The following SCAPER variants were observed in gnomAD, a reference collection of about 807,000 sequenced individuals.
SCAPER encodes the protein S phase cyclin A-associated protein in the endoplasmic reticulum.
SCAPER carries 98 observed loss-of-function variants against 182.2 expected under a neutral mutation model. That is an observed-to-expected ratio of 0.54 (90% CI 0.46 to 0.64). The LOEUF (loss-of-function observed/expected upper bound fraction) is 0.64. Ranked by LOEUF, SCAPER falls within the 30% of genes least tolerant of loss-of-function variation. The pLI, the probability that SCAPER is intolerant of heterozygous loss-of-function variation, is 0.00. For missense variants in SCAPER, 1,432 were observed against 1,690.0 expected, an observed-to-expected ratio of 0.85 and a Z score of 2.68; for synonymous variants, 605 against 564.6, an observed-to-expected ratio of 1.07 and a Z score of -1.01.
At position 76,348,690 on chromosome 15, in the gene SCAPER, A is replaced by G; in HGVS notation, c.4146T>C (p.Phe1382=). 1 of 1,559,338 alleles carries G rather than the reference A, an allele frequency of 6.4e-7. No homozygotes were observed. The highest frequency in any genetic ancestry group is 8.7e-7 in the Non-Finnish European group (1 of 1,150,060). ...GAGCTTCTTCCCAGGCCTGCTGAGG[A>G]AATCTGTTAGCCAGCTCAAGATAGT... The part of the protein sequence containing the change: ...SQDYLELANR[F]PQQAWEEARQ... Residue 1382 remains phenylalanine, a synonymous_variant, in exon 32 of 32, where the codon TTT becomes TTC. Coordinates refer to ENST00000563290, the MANE Select transcript of SCAPER (RefSeq NM_020843.4).
At chr15:76,828,633 G>C (rs926973890) in intron 5 of SCAPER, among the ~76,000 whole-genome samples, 4 of 152,122 alleles carry the variant, frequency 2.6e-5, no homozygotes, top group Non-Finnish European at 5.9e-5. Context: ...AGACTACAAT[G>C]CATGAAACAC....
intron 26 of SCAPER, among the ~76,000 whole-genome samples, chr15:76,411,700 T>C (rs1272997758): frequency 6.6e-6 from 1 of 152,078 alleles, no homozygotes; most frequent in African/African-American, 2.4e-5. Flanking sequence ...ATTTATAGAG[T>C]TCTTCAAAGT....
intron 20 of SCAPER, among the ~76,000 whole-genome samples, chr15:76,687,317 A>G (rs2058085413): frequency 6.6e-6 from 1 of 152,224 alleles, no homozygotes; most frequent in African/African-American, 2.4e-5. Context: ...ACAATATATT[A>G]AACTACAAAG....
chr15:76,469,020 G>A (rs1217555010), intron 25 of SCAPER, among the ~76,000 whole-genome samples: 3 of 152,110 alleles, frequency 2.0e-5, no homozygotes, highest in Admixed American at 6.6e-5. Context: ...ATAAATTACT[G>A]TGTTTATAAG....
intron 23 of SCAPER, among the ~76,000 whole-genome samples, chr15:76,524,689 G>GTTTTT (rs35944222): frequency 3.4e-4 from 17 of 50,118 alleles, no homozygotes; most frequent in Non-Finnish European, 3.9e-4. Flanking sequence ...TTTTTGTTCT[G>GTTTTT]TTTTTTTTTT....
intron 14 of SCAPER, among the ~76,000 whole-genome samples, chr15:76,756,243 CAAA>C (rs34158299): frequency 3.0e-5 from 2 of 66,020 alleles, no homozygotes; most frequent in African/African-American, 1.4e-4. Context: ...GACTCCGTCT[CAAA>C]AAAAAAAAAA....
At chr15:76,763,011 ATTATG>A (rs1292586038) in intron 14 of SCAPER, among the ~76,000 whole-genome samples, 1 of 152,050 alleles carries the variant, frequency 6.6e-6, no homozygotes, top group Non-Finnish European at 1.5e-5. Context: ...CCCTTACAGT[ATTATG>A]TTATTCTATA....
At chr15:76,431,347 T>C (rs2046844987) in intron 26 of SCAPER, among the ~76,000 whole-genome samples, 1 of 152,172 alleles carries the variant, frequency 6.6e-6, no homozygotes, top group South Asian at 2.1e-4. Context: ...ATACTTTGAA[T>C]TGAAAAATAT....
chr15:76,566,143 T>C (rs2047018618), intron 23 of SCAPER, among the ~76,000 whole-genome samples: 1 of 152,136 alleles, frequency 6.6e-6, no homozygotes, highest in African/African-American at 2.4e-5. Context: ...TTTATCTCTC[T>C]GAGCCTAGGC....
intron 29 of SCAPER, among the ~76,000 whole-genome samples, chr15:76,356,721 T>G (rs960620023): frequency 6.6e-6 from 1 of 152,086 alleles, no homozygotes; most frequent in Non-Finnish European, 1.5e-5. Flanking sequence ...TCTTTCAGAG[T>G]GCACAAGGCC....
chr15:76,452,978 G>A (rs775010078), intron 25 of SCAPER, among the ~76,000 whole-genome samples: 7 of 152,182 alleles, frequency 4.6e-5, no homozygotes, highest in South Asian at 2.1e-4. Context: ...TTACGGGTGT[G>A]TGCCACCACA....
intron 15 of SCAPER, among the ~76,000 whole-genome samples, chr15:76,734,836 C>T (rs1247035100): frequency 3.3e-5 from 5 of 152,122 alleles, no homozygotes; most frequent in Admixed American, 2.6e-4. Context: ...CGCACCACTG[C>T]ACTGCACTCC....
rs761410147 is a variant in SCAPER, at chr15:76,804,568, A to C, written c.459T>G (p.Leu153=). Residue 153 remains leucine (L), a synonymous_variant, in exon 6 of 32, where the codon CTT becomes CTG. Coordinates refer to ENST00000563290, the MANE Select transcript of SCAPER (RefSeq NM_020843.4). ...DFKALIDWIQ[L]QEKLEKTDAQ... is the part of the protein sequence containing the mutation. ...CATCTGTCTTCTCTAGCTTTTCCTG[A>C]AGCTGAATCCAGTCAATCAATGCTT... is the stretch of plus-strand genomic sequence containing the variant. 6.2e-7 allele frequency: 1 copy of C among 1,611,958 alleles called. No individual in the cohort carries two copies. The highest frequency in any genetic ancestry group is 8.5e-7 in the Non-Finnish European group (1 of 1,179,316).
intron 23 of SCAPER, among the ~76,000 whole-genome samples, chr15:76,518,409 G>A (rs1352976518): frequency 1.3e-5 from 2 of 152,124 alleles, no homozygotes; most frequent in African/African-American, 4.8e-5. Context: ...AAGCAGCTGG[G>A]GTAAAAGTCT....
chr15:76,742,466 TAAAAAAAAAAAAA>T (rs55751202), intron 15 of SCAPER, among the ~76,000 whole-genome samples: 7 of 37,052 alleles, frequency 1.9e-4, no homozygotes, highest in Non-Finnish European at 2.8e-4. Flanking sequence ...TGTCTTTTCC[TAAAAAAAAAAAAA>T]AAAAAAAAAA....
chr15:76,799,405 G>A (rs569212297), intron 7 of SCAPER, among the ~76,000 whole-genome samples: 1 of 137,224 alleles, frequency 7.3e-6, no homozygotes, highest in Admixed American at 8.2e-5. Flanking sequence ...TGGGATTACA[G>A]GCACATGCCA....
chr15:76,851,026 G>A (rs2070703750), intron 4 of SCAPER, among the ~76,000 whole-genome samples: 1 of 151,902 alleles, frequency 6.6e-6, no homozygotes. Flanking sequence ...AGATCTAACA[G>A]GGCTAAAAAA....
intron 25 of SCAPER, among the ~76,000 whole-genome samples, chr15:76,452,844 CT>C (rs74477423): frequency 1.9e-3 from 277 of 144,110 alleles, no homozygotes; most frequent in Middle Eastern, 3.6e-3. Context: ...GTTCAAAGAA[CT>C]TTTTTTTTTT....
intron 14 of SCAPER, among the ~76,000 whole-genome samples, chr15:76,762,098 C>T (rs1261922603): frequency 1.3e-5 from 2 of 152,134 alleles, no homozygotes; most frequent in Non-Finnish European, 1.5e-5. Context: ...GCCACTTCTG[C>T]TCTCTTTTGG....
Sources: allele counts gnomAD v4.1 joint callset (sites outside exome capture counted in the v4.1 genomes callset), GRCh38; gene constraint gnomAD v4.1.1; transcripts MANE v1.5; gene names NCBI Gene and HGNC (gene_info 2026-07-23, HGNC 2026-07-21).